The following NKAIN1 variants were observed in gnomAD, a reference collection of about 807,000 sequenced individuals.
NKAIN1 encodes sodium/potassium transporting ATPase interacting 1.
NKAIN1 carries 13 observed loss-of-function variants against 31.6 expected under a neutral mutation model. The ratio of observed to expected loss-of-function variants is 0.41; its 90% CI spans 0.27 to 0.65. The LOEUF (loss-of-function observed/expected upper bound fraction) is 0.65, where lower values mean the gene tolerates loss of function less well. Ranked by LOEUF, NKAIN1 falls within the 30% of genes least tolerant of loss-of-function variation. The pLI is 0.30. For synonymous variants in NKAIN1, 104 were observed against 109.0 expected, an observed-to-expected ratio of 0.95 and a Z score of 0.28; for missense variants, 193 against 262.2, an observed-to-expected ratio of 0.74 and a Z score of 1.82.
intron 2 of NKAIN1, among the ~76,000 whole-genome samples, chr1:31,186,676 T>C (rs1158290327): frequency 1.3e-5 from 2 of 152,126 alleles, no homozygotes; most frequent in Non-Finnish European, 2.9e-5. Flanking sequence ...GCCTGGGCCC[T>C]GGATGCCCTC....
chr1:31,190,631 C>T (rs375029329), intron 1 of NKAIN1, among the ~76,000 whole-genome samples: 133 of 152,260 alleles, frequency 8.7e-4, no homozygotes, highest in Middle Eastern at 3.4e-3. Flanking sequence ...AGCCCACTTT[C>T]CCCGCTGGGT....
At chr1:31,225,984 C>G (rs1477373797) in intron 1 of NKAIN1, among the ~76,000 whole-genome samples, 1 of 152,214 alleles carries the variant, frequency 6.6e-6, no homozygotes, top group East Asian at 1.9e-4. Flanking sequence ...GCTTCTTGAG[C>G]CTTAAGTTGC....
At chr1:31,194,511 A>T (rs1366261354) in intron 1 of NKAIN1, among the ~76,000 whole-genome samples, 1 of 139,592 alleles carries the variant, frequency 7.2e-6, no homozygotes, top group African/African-American at 2.7e-5. Context: ...GGTTCAAGTG[A>T]TTCTCCTGCC....
intron 2 of NKAIN1, among the ~76,000 whole-genome samples, chr1:31,187,566 G>A (rs559573126): frequency 9.9e-5 from 15 of 152,178 alleles, no homozygotes; most frequent in African/African-American, 2.6e-4. Context: ...GTGTCCTTGC[G>A]CCCACCCCTT....
At position 31,230,878 on chromosome 1, in the gene NKAIN1, A is replaced by ATT. The variant is rs35096054; in HGVS notation, c.54+8614_54+8615dup. ...ATAATCCAATCATACTCTTTGGGTTATTTTTTTTTTTTTTTTTTTTTGAGA... is the reference window on the plus strand; with the variant it reads ...ATAATCCAATCATACTCTTTGGGTTATTTTTTTTTTTTTTTTTTTTTTTGAGA... On this transcript the variant is annotated intron_variant, in intron 1 of 6. Coordinates refer to ENST00000373736, the MANE Select transcript of NKAIN1 (RefSeq NM_024522.3). 7.5e-3 allele frequency among the ~76,000 whole-genome samples: 598 copies of ATT among 79,268 alleles called. 43 individuals carry two copies. The East Asian group carries it at 0.15, about 20-fold the overall frequency. The allele number at this position is 79,268 out of a possible 152,430, so 52.0% of individuals were successfully genotyped here.
At chr1:31,189,189 G>A (rs1343968997) in intron 1 of NKAIN1, among the ~76,000 whole-genome samples, 2 of 152,162 alleles carry the variant, frequency 1.3e-5, no homozygotes, top group East Asian at 3.9e-4. Flanking sequence ...CCATGTGAGC[G>A]AGGCCATGCT....
chr1:31,189,102 C>T (rs1041359548), intron 1 of NKAIN1, among the ~76,000 whole-genome samples: 3 of 152,030 alleles, frequency 2.0e-5, no homozygotes, highest in African/African-American at 7.2e-5. Context: ...GAACAAGCCC[C>T]AGCTGACCTG....
chr1:31,198,168 C>T (rs1645345865), intron 1 of NKAIN1, among the ~76,000 whole-genome samples: 1 of 152,176 alleles, frequency 6.6e-6, no homozygotes, highest in South Asian at 2.1e-4. Flanking sequence ...TGGCACACTC[C>T]AGGTGCTAAA....
At chr1:31,203,807 A>G (rs1645403236) in intron 1 of NKAIN1, among the ~76,000 whole-genome samples, 1 of 151,492 alleles carries the variant, frequency 6.6e-6, no homozygotes, top group Non-Finnish European at 1.5e-5. Flanking sequence ...CTAGTCTTGA[A>G]CTCCTGACCT....
intron 1 of NKAIN1, among the ~76,000 whole-genome samples, chr1:31,236,131 G>A (rs1194177240): frequency 6.6e-6 from 1 of 152,108 alleles, no homozygotes; most frequent in Non-Finnish European, 1.5e-5. Context: ...CTCAGAGACG[G>A]TAAGCAACTT....
In NKAIN1 at chr1:31,188,049, C is replaced by T. The variant is rs1156618470; in HGVS notation, c.192+1G>A. On this transcript the variant is annotated splice_donor_variant, in intron 2 of 6. Coordinates refer to ENST00000373736, the MANE Select transcript of NKAIN1 (RefSeq NM_024522.3). LOFTEE classifies it high-confidence loss of function. Reference sequence around the variant, plus strand: ...TTGGGAAGGGGCTAGGTGAGCCGTACCAGGATGAGGTACCGGGAGCGGTAC... The same window carrying T: ...TTGGGAAGGGGCTAGGTGAGCCGTATCAGGATGAGGTACCGGGAGCGGTAC... 3 of 1,552,700 alleles carry T rather than the reference C, an allele frequency of 1.9e-6. No homozygotes were observed. The highest frequency in any genetic ancestry group is 1.2e-5 in the South Asian group (1 of 84,060).
intron 1 of NKAIN1, among the ~76,000 whole-genome samples, chr1:31,235,625 C>T (rs989070797): frequency 5.3e-5 from 8 of 152,060 alleles, no homozygotes; most frequent in Admixed American, 2.0e-4. Context: ...CACAGTGAGA[C>T]GCCTATCTCT....
chr1:31,195,872 C>T (rs2148352943), intron 1 of NKAIN1, among the ~76,000 whole-genome samples: 1 of 131,920 alleles, frequency 7.6e-6, no homozygotes, highest in Non-Finnish European at 1.5e-5. Flanking sequence ...CTACAGTGAG[C>T]TGTGATAGCC....
In NKAIN1 at chr1:31,215,292, C is replaced by A. The variant is rs374114582; in HGVS notation, c.54+24202G>T. ...GCAAAGTTGCACAGCAGTACTCCCC[C>A]CAACCCAGGGCTTCGGGATCCCCCT... is the stretch of plus-strand genomic sequence containing the variant. On this transcript the variant is annotated intron_variant, in intron 1 of 6. Transcript: ENST00000373736. 1.1e-4 allele frequency among the ~76,000 whole-genome samples: 17 copies of A among 152,316 alleles called. No individual in the cohort carries two copies. The South Asian group carries it at 3.3e-3, about 30-fold the overall frequency.
chr1:31,199,832 T>A (rs550135367), intron 1 of NKAIN1, among the ~76,000 whole-genome samples: 57 of 152,266 alleles, frequency 3.7e-4, no homozygotes, highest in Non-Finnish European at 6.5e-4. Context: ...CCTGGACATA[T>A]GGCAGTGAAC....
intron 1 of NKAIN1, among the ~76,000 whole-genome samples, chr1:31,195,411 C>T (rs1250578422): frequency 7.2e-5 from 11 of 151,982 alleles, no homozygotes; most frequent in Admixed American, 1.3e-4. Context: ...CATAAGCCAC[C>T]GCGCCTGGCC....
Position 31,214,482 on chromosome 1 carries a change from C to A in NKAIN1, c.54+25012G>T, listed in dbSNP as rs576246993. On this transcript the variant is annotated intron_variant, in intron 1 of 6. Coordinates refer to ENST00000373736, the MANE Select transcript of NKAIN1 (RefSeq NM_024522.3). Reference sequence around the variant, plus strand: ...TTAAAAAAAAAAAAAAAGAAAAAAACCAGAAACGGATCTTGGCCTCATAGA... The same window carrying A: ...TTAAAAAAAAAAAAAAAGAAAAAAAACAGAAACGGATCTTGGCCTCATAGA... Among the ~76,000 whole-genome samples the A allele has an allele frequency of 9.3e-5, 14 of 151,060 alleles. No individual in the cohort carries two copies. The East Asian group carries it at 1.4e-3, about 15-fold the overall frequency.
chr1:31,237,630 G>C (rs1348413204), intron 1 of NKAIN1, among the ~76,000 whole-genome samples: 1 of 151,824 alleles, frequency 6.6e-6, no homozygotes, highest in East Asian at 1.9e-4. Context: ...CTCTCGAGTA[G>C]CTGGGATTAC....
At chr1:31,230,498 A>G (rs186189983) in intron 1 of NKAIN1, among the ~76,000 whole-genome samples, 7 of 152,252 alleles carry the variant, frequency 4.6e-5, no homozygotes, top group African/African-American at 1.4e-4. Context: ...AAAACCTGCA[A>G]CCACACTTAA....
Sources: gnomAD v4.1 joint callset for allele counts (sites outside exome capture counted in the v4.1 genomes callset) on GRCh38, gnomAD v4.1.1 for gene constraint, MANE v1.5 for transcripts, NCBI Gene and HGNC (gene_info 2026-07-23, HGNC 2026-07-21) for gene names.